TENM2: variants seen among roughly 807,000 people sequenced by gnomAD.
TENM2 encodes teneurin transmembrane protein 2, also known as teneurin-2.
TENM2 carries 52 observed loss-of-function variants against 245.2 expected under a neutral mutation model. That is an observed-to-expected ratio of 0.21 (90% confidence interval 0.17 to 0.27). The LOEUF is 0.27. Ranked by LOEUF, TENM2 falls within the 10% of genes least tolerant of loss-of-function variation. The pLI, the probability that TENM2 is intolerant of heterozygous loss-of-function variation, is 1.00. For missense variants in TENM2, 3,046 were observed against 3,666.8 expected (o/e 0.83, Z 4.37); for synonymous variants, 1,363 against 1,438.9 (o/e 0.95, Z 1.19).
chr5:167,331,667 G>A (rs1483885028), intron 1 of TENM2, among the ~76,000 whole-genome samples: 5 of 152,290 alleles, frequency 3.3e-5, no homozygotes, highest in African/African-American at 2.4e-5. Context: ...TACAATGATG[G>A]CAAATGCAAC....
At chr5:168,260,591 A>C (rs1193772611) in intron 28 of TENM2, among the ~76,000 whole-genome samples, 178 bp downstream of exon 30, 1 of 152,202 alleles carries the variant, frequency 6.6e-6, no homozygotes, top group Non-Finnish European at 1.5e-5. Context: ...CCTGTCTGGC[A>C]CAGCACATAT....
chr5:167,126,232 G>A, the TENM2 span, among the ~76,000 whole-genome samples: 1 of 152,124 alleles, frequency 6.6e-6, no homozygotes, highest in Non-Finnish European at 1.5e-5. Context: ...GATAGAGCGT[G>A]GGCTTAGGGA....
intron 2 of TENM2, among the ~76,000 whole-genome samples, chr5:167,414,713 A>G (rs898924624): frequency 3.3e-5 from 5 of 152,146 alleles, no homozygotes; most frequent in Non-Finnish European, 5.9e-5. Flanking sequence ...ACACTAACAG[A>G]TGATTTAAAT....
At chr5:168,028,242 C>G (rs964778532) in intron 5 of TENM2, among the ~76,000 whole-genome samples, 1 of 152,166 alleles carries the variant, frequency 6.6e-6, no homozygotes, top group African/African-American at 2.4e-5. Context: ...CAATTTGATC[C>G]TAGCTGAAGT....
chr5:168,024,019 A>G (rs1019989454), intron 5 of TENM2, among the ~76,000 whole-genome samples: 5 of 152,208 alleles, frequency 3.3e-5, no homozygotes, highest in Non-Finnish European at 7.3e-5. Flanking sequence ...AAACATACAT[A>G]TGCATTTATA....
At chr5:167,316,959 C>T (rs1561857767) in intron 1 of TENM2, among the ~76,000 whole-genome samples, 1 of 152,128 alleles carries the variant, frequency 6.6e-6, no homozygotes, top group Admixed American at 6.5e-5. Context: ...TCCCAGCCTT[C>T]CTCTGCACAC....
chr5:167,561,799 A>T (rs1291231861), intron 2 of TENM2, among the ~76,000 whole-genome samples: 1 of 152,094 alleles, frequency 6.6e-6, no homozygotes, highest in African/African-American at 2.4e-5. Context: ...AGCTAAAGGA[A>T]TTTTTTTTAA....
At chr5:167,674,442 C>T (rs538251018) in intron 2 of TENM2, among the ~76,000 whole-genome samples, 2 of 152,222 alleles carry the variant, frequency 1.3e-5, no homozygotes, top group South Asian at 4.1e-4. Flanking sequence ...ATAACTGATG[C>T]CTCTAACAAA....
chr5:166,984,751 A>G, the TENM2 span, among the ~76,000 whole-genome samples: 3 of 152,140 alleles, frequency 2.0e-5, no homozygotes, highest in African/African-American at 7.2e-5. Flanking sequence ...CATAGTTAAA[A>G]TCATTTTTAT....
At chr5:168,160,027 T>C (rs1345062413) in intron 12 of TENM2, among the ~76,000 whole-genome samples, 1 of 152,190 alleles carries the variant, frequency 6.6e-6, no homozygotes, top group African/African-American at 2.4e-5. Context: ...TAGTCAGACA[T>C]GAGACCTCAA....
chr5:167,186,688 T>C, the TENM2 span, among the ~76,000 whole-genome samples: 1 of 152,168 alleles, frequency 6.6e-6, no homozygotes, highest in Non-Finnish European at 1.5e-5. Context: ...ATGTGTCCTA[T>C]ATGGAGAAAT....
At position 168,075,305 on chromosome 5, in the gene TENM2, A is replaced by G. The variant is rs543209750; in HGVS notation, c.1515+13040A>G. Reference sequence around the variant, plus strand: ...GTCTGAGTAGTATTCCATGGTATATATATACCACATTTTCTTTATCCACTT... The same window carrying G: ...GTCTGAGTAGTATTCCATGGTATATGTATACCACATTTTCTTTATCCACTT... On this transcript the variant is annotated intron_variant, in intron 7 of 28. Transcript: ENST00000518659. Among the ~76,000 whole-genome samples the G allele has an allele frequency of 3.3e-5, 5 of 152,294 alleles. No individual in the cohort carries two copies. In the East Asian group the frequency reaches 7.7e-4, roughly 24 times the overall value.
the TENM2 span, among the ~76,000 whole-genome samples, chr5:167,133,823 C>T: frequency 2.2e-5 from 3 of 137,350 alleles, no homozygotes; most frequent in Non-Finnish European, 3.1e-5. Flanking sequence ...ATGCTTGGGG[C>T]GAAAAAAAAA....
intron 2 of TENM2, among the ~76,000 whole-genome samples, chr5:167,591,132 GA>G (rs1207194440): frequency 2.0e-5 from 3 of 152,142 alleles, no homozygotes; most frequent in African/African-American, 7.2e-5. Context: ...GTAACCCATA[GA>G]ACACCAGCCT....
chr5:167,368,758 C>T (rs973914953), intron 1 of TENM2, among the ~76,000 whole-genome samples: 3 of 152,038 alleles, frequency 2.0e-5, no homozygotes, highest in African/African-American at 7.2e-5. Flanking sequence ...AGCGCTGCTT[C>T]GTCGCGGCAG....
the TENM2 span, among the ~76,000 whole-genome samples, chr5:167,101,550 T>A: frequency 2.0e-5 from 3 of 152,092 alleles, no homozygotes; most frequent in African/African-American, 7.2e-5. Context: ...ATCTCCTTGA[T>A]CTGGGCTGCT....
chr5:167,176,314 G>A, the TENM2 span, among the ~76,000 whole-genome samples: 91 of 152,250 alleles, frequency 6.0e-4, no homozygotes, highest in African/African-American at 2.1e-3. Flanking sequence ...ATGACTAAAC[G>A]TAGCCCTTTA....
At chr5:167,359,028 G>A (rs1181220846) in intron 1 of TENM2, among the ~76,000 whole-genome samples, 1 of 152,028 alleles carries the variant, frequency 6.6e-6, no homozygotes, top group Non-Finnish European at 1.5e-5. Flanking sequence ...GGCTGTAATC[G>A]TCTTTCCCAT....
chr5:166,981,601 G>C, the TENM2 span, among the ~76,000 whole-genome samples: 1 of 151,998 alleles, frequency 6.6e-6, no homozygotes, highest in African/African-American at 2.4e-5. Flanking sequence ...CCAGGCTAAG[G>C]GCTTATTTTG....
Sources: gnomAD v4.1 joint callset for allele counts (sites outside exome capture counted in the v4.1 genomes callset) on GRCh38, gnomAD v4.1.1 for gene constraint, MANE v1.5 for transcripts, NCBI Gene and HGNC (gene_info 2026-07-23, HGNC 2026-07-21) for gene names.